The following JADE2 variants were observed in gnomAD, a reference collection of about 807,000 sequenced individuals.
JADE2 encodes the protein jade family PHD finger 2.
A neutral mutation model predicts 85.7 loss-of-function variants in JADE2; 13 were observed. That is an observed-to-expected ratio of 0.15 (90% CI 0.10 to 0.24). The LOEUF is 0.24. Ranked by LOEUF, JADE2 falls within the 10% of genes least tolerant of loss-of-function variation. JADE2 has a pLI of 1.00. For missense variants in JADE2, 846 were observed against 1,115.9 expected (o/e 0.76, Z 3.45); for synonymous variants, 440 against 456.1 (o/e 0.96, Z 0.45).
Position 134,578,924 on chromosome 5 carries a change from A to G in JADE2, c.2112A>G (p.Ala704=). Residue 704 remains alanine, a synonymous_variant, in exon 12 of 12, where the codon GCA becomes GCG. Coordinates refer to ENST00000681547, the MANE Select transcript of JADE2 (RefSeq NM_001388185.1). The surrounding 1 kb of genome is among the most constrained non-coding windows in gnomAD (Gnocchi z 4.4). ...RTSSHLPSSP[A]AGDCPILATP... is the part of the protein sequence containing the mutation. ...CTTCTCACTTGCCGTCCAGCCCTGC[A>G]GCCGGGGACTGTCCCATCCTAGCCA... 1 of 1,613,792 alleles carries G rather than the reference A, an allele frequency of 6.2e-7. No individual in the cohort carries two copies. Among genetic ancestry groups the G allele is most frequent in the Non-Finnish European group, 8.5e-7 (1 of 1,180,010 alleles).
chr5:134,535,806 T>G, intron 1 of JADE2, 52 bp from the exon 2 acceptor site: 1 of 1,530,524 alleles, frequency 6.5e-7, no homozygotes, highest in Non-Finnish European at 9.1e-7. Context: ...TCTGAGAGGT[T>G]GAGGATTTCC....
rs759270522 is a variant in JADE2, at chr5:134,535,871, G to C, written c.14G>C (p.Arg5Thr). 4 of 1,614,030 alleles carry C rather than the reference G, an allele frequency of 2.5e-6. No individual in the cohort carries two copies. The highest frequency in any genetic ancestry group is 3.4e-6 in the Non-Finnish European group (4 of 1,179,916). ...CTTTTGTTGCAGATGGAAGAGAAGA[G>C]GCGAAAATACTCCATCAGCAGTGAC... MEEK[R>T]RKYSISSDNS... Residue 5 changes from arginine to threonine, a missense_variant, in exon 2 of 12, where the codon AGG becomes ACG. Arg to Thr is a moderately conservative substitution (Grantham distance 71). Around this residue, in one of 9 missense-constraint regions of JADE2, gnomAD observed 47 missense variants for 42.2 expected, o/e 1.11. Coordinates refer to ENST00000681547, the MANE Select transcript of JADE2 (RefSeq NM_001388185.1).
At chr5:134,551,103 G>A (rs981857945) in intron 3 of JADE2, among the ~76,000 whole-genome samples, 5 of 152,268 alleles carry the variant, frequency 3.3e-5, no homozygotes, top group South Asian at 2.1e-4. Context: ...TGGGGTTGGC[G>A]CCCTGTGCTG....
In JADE2 at chr5:134,581,939, C is replaced by T. The variant is rs1028942714; in HGVS notation, c.*2622C>T. The T allele has an allele frequency of 3.3e-5, 5 of 152,320 alleles. No homozygotes were observed. Among genetic ancestry groups the T allele is most frequent in the Admixed American group, 6.5e-5 (1 of 15,270 alleles). The allele number at this position is 152,320 out of a possible 1,614,324, so 9.4% of individuals were successfully genotyped here. A position where few individuals can be genotyped will look rare whatever the true frequency, so the allele number is the denominator to read the frequency against. ...CCCTGTTGGTCACAGCCGCTTCTGT[C>T]TTTTTCCGGTCTACTGTCCCCAGTG... On this transcript the variant is annotated 3_prime_UTR_variant, in exon 12 of 12. Transcript: ENST00000681547.
chr5:134,535,993 G>T, intron 2 of JADE2, 78 bp downstream of exon 2: 11 of 1,247,950 alleles, frequency 8.8e-6, no homozygotes, highest in Non-Finnish European at 1.3e-5. Flanking sequence ...ATGGGAGGAG[G>T]CTGCCCTGTG....
rs140474419 is a variant in JADE2 at position 134,539,755 on chromosome 5, CCCT to C, written c.153+1677_153+1679del. On this transcript the variant is annotated intron_variant, in intron 3 of 11. Coordinates refer to ENST00000681547, the MANE Select transcript of JADE2 (RefSeq NM_001388185.1). Reference sequence around the variant, plus strand: ...GAGGATGTCTTTGCTCCATGCTGGCCCCTCCTCTATGCTACCTCACCACAGATG... The same window carrying C: ...GAGGATGTCTTTGCTCCATGCTGGCCCCTCTATGCTACCTCACCACAGATG... Among the ~76,000 whole-genome samples, 301 of 152,340 alleles carry C rather than the reference CCCT, an allele frequency of 2.0e-3. 1 individual carries two copies. The highest frequency in any genetic ancestry group is 7.0e-3 in the African/African-American group (291 of 41,570).
chr5:134,566,486 A>C lies in JADE2; in HGVS notation c.1340A>C (p.Lys447Thr). The C allele has an allele frequency of 1.9e-6, 3 of 1,612,374 alleles. No individual in the cohort carries two copies. Among genetic ancestry groups the C allele is most frequent in the Non-Finnish European group, 2.5e-6 (3 of 1,179,276 alleles). Reference protein sequence around the residue: ...ANANQPLLTPKTDEVDNLAQQ... With the variant: ...ANANQPLLTPTTDEVDNLAQQ... ...GCCAACCAGCCGCTGCTGACCCCCAAGACCGACGAGGTGGACAACCTGGCC... is the reference window on the plus strand; with the variant it reads ...GCCAACCAGCCGCTGCTGACCCCCACGACCGACGAGGTGGACAACCTGGCC... Residue 447 changes from lysine (K) to threonine (T), a missense_variant, in exon 9 of 12, where the codon AAG becomes ACG. Lys to Thr is a moderately conservative substitution (Grantham distance 78). This residue lies in a region of JADE2 where 88 missense variants were observed against 140.6 expected (regional missense o/e 0.63). Coordinates refer to ENST00000681547, the MANE Select transcript of JADE2 (RefSeq NM_001388185.1). The surrounding 1 kb of genome is among the most constrained non-coding windows in gnomAD (Gnocchi z 6.7).
At chr5:134,525,184 T>G, upstream of JADE2, among the ~76,000 whole-genome samples, 1 of 150,396 alleles carries the variant, frequency 6.6e-6, no homozygotes, top group African/African-American at 2.5e-5. Flanking sequence ...TTTTTAAGGT[T>G]GCGGGGGGCG....
At chr5:134,534,851 C>T (rs190041878) in intron 1 of JADE2, among the ~76,000 whole-genome samples, 80 of 152,344 alleles carry the variant, frequency 5.3e-4, no homozygotes, top group African/African-American at 1.9e-3. Flanking sequence ...CAGGTTAACG[C>T]ATCACCTGCT....
At chr5:134,557,236 TG>T (rs1453270923) in intron 4 of JADE2, among the ~76,000 whole-genome samples, 4 of 141,646 alleles carry the variant, frequency 2.8e-5, no homozygotes, top group South Asian at 2.1e-4. Context: ...TTATTTTTTT[TG>T]TTGTTGTTGT....
chr5:134,524,126 G>C (rs1760675131), upstream of JADE2, among the ~76,000 whole-genome samples: 1 of 152,186 alleles, frequency 6.6e-6, no homozygotes, highest in South Asian at 2.1e-4. Flanking sequence ...GGGGATGTTG[G>C]GCCAGGCTCC....
chr5:134,544,908 A>G (rs946358124), intron 3 of JADE2, among the ~76,000 whole-genome samples: 2 of 152,204 alleles, frequency 1.3e-5, no homozygotes, highest in African/African-American at 2.4e-5. Flanking sequence ...GTGAAGGGTA[A>G]AGACAGGGGT....
chr5:134,551,998 G>A (rs1762620475), intron 3 of JADE2, 54 bp from the exon 4 acceptor site: 5 of 1,568,474 alleles, frequency 3.2e-6, no homozygotes, highest in Non-Finnish European at 8.8e-7. Flanking sequence ...GGCCTGTGGG[G>A]CAGACTGCCC....
At chr5:134,551,795 T>G (rs1272423447) in intron 3 of JADE2, among the ~76,000 whole-genome samples, 1 of 152,228 alleles carries the variant, frequency 6.6e-6, no homozygotes, top group Non-Finnish European at 1.5e-5. Flanking sequence ...CAACTATCCC[T>G]CAAACTCTGT....
At chr5:134,559,776 A>C in intron 4 of JADE2, 54 bp from the exon 5 acceptor site, 1 of 1,561,868 alleles carries the variant, frequency 6.4e-7, no homozygotes, top group Non-Finnish European at 8.6e-7. Flanking sequence ...TGGAGCCCCT[A>C]TGGCGGCAGG....
rs1299581365 is a variant in JADE2 at position 134,525,754 on chromosome 5, C to T, written c.-258C>T. The T allele has an allele frequency of 3.7e-5, 44 of 1,203,024 alleles. No homozygotes were observed. Among genetic ancestry groups the T allele is most frequent in the Non-Finnish European group, 4.2e-5 (40 of 952,132 alleles). The allele number at this position is 1,203,024 out of a possible 1,614,324, so 74.5% of individuals were successfully genotyped here. A position where few individuals can be genotyped will look rare whatever the true frequency, so the allele number is the denominator to read the frequency against. On this transcript the variant is annotated 5_prime_UTR_variant, in exon 1 of 12. Coordinates refer to ENST00000681547, the MANE Select transcript of JADE2 (RefSeq NM_001388185.1). ...ATTTTTTGGGGGGGGTGAGTAGCGT[C>T]CATGGAGTTACTTTGCGCCCACTCC...
At chr5:134,561,957 C>T (rs138139989) in intron 6 of JADE2, among the ~76,000 whole-genome samples, 1 of 152,158 alleles carries the variant, frequency 6.6e-6, no homozygotes, top group African/African-American at 2.4e-5. Flanking sequence ...GAGGGCAGAC[C>T]TGAACCCGTT....
intron 4 of JADE2, among the ~76,000 whole-genome samples, chr5:134,552,679 TTTTA>T (rs555584174): frequency 2.6e-5 from 4 of 152,222 alleles, no homozygotes; most frequent in Non-Finnish European, 5.9e-5. Flanking sequence ...TTCTTTCTTT[TTTTA>T]TTTGTTAGAA....
intron 3 of JADE2, among the ~76,000 whole-genome samples, chr5:134,541,844 G>GCACTCTAC (rs1761981720): frequency 6.6e-6 from 1 of 152,254 alleles, no homozygotes; most frequent in Non-Finnish European, 1.5e-5. Flanking sequence ...AAGCCAAGGG[G>GCACTCTAC]CACTCTACAG....
Sources: allele counts gnomAD v4.1 joint callset (sites outside exome capture counted in the v4.1 genomes callset), GRCh38; gene constraint gnomAD v4.1.1; regional missense constraint gnomAD v4.1.1; non-coding constraint Gnocchi (gnomAD v3.1); transcripts MANE v1.5; gene names NCBI Gene and HGNC (gene_info 2026-07-23, HGNC 2026-07-21).